The following PTBP3 variants were observed in gnomAD, a reference collection of about 807,000 sequenced individuals.
The protein encoded by PTBP3 is polypyrimidine tract binding protein 3.
PTBP3 carries 20 observed loss-of-function variants against 58.7 expected under a neutral mutation model. The ratio of observed to expected loss-of-function variants is 0.34; its 90% CI spans 0.24 to 0.50. PTBP3 has a LOEUF of 0.50. Among genes scored for constraint, PTBP3 ranks in the 20% least tolerant of loss-of-function variants. PTBP3 has a pLI of 0.98. For missense variants in PTBP3, 509 were observed against 637.2 expected (o/e 0.80, Z 2.17); for synonymous variants, 185 against 219.8 (o/e 0.84, Z 1.40).
At chr9:112,298,252 T>G (rs1176215611) in intron 1 of PTBP3, among the ~76,000 whole-genome samples, 2 of 152,256 alleles carry the variant, frequency 1.3e-5, no homozygotes, top group Non-Finnish European at 2.9e-5. Context: ...TATATTTGTA[T>G]GCAAATAGTT....
the PTBP3 span, among the ~76,000 whole-genome samples, chr9:112,368,986 C>A: frequency 6.6e-6 from 1 of 152,058 alleles, no homozygotes; most frequent in Non-Finnish European, 1.5e-5. Flanking sequence ...GGGTCCAATC[C>A]CCAAGCCTTG....
chr9:112,306,336 TG>T (rs1474810720), intron 1 of PTBP3, among the ~76,000 whole-genome samples: 2 of 151,708 alleles, frequency 1.3e-5, no homozygotes, highest in African/African-American at 4.8e-5. Flanking sequence ...AGCTAATTTT[TG>T]TATTATTTTG....
At chr9:112,328,057 C>T (rs1304184615) in intron 1 of PTBP3, among the ~76,000 whole-genome samples, 1 of 152,174 alleles carries the variant, frequency 6.6e-6, no homozygotes, top group Non-Finnish European at 1.5e-5. Context: ...TATTATACTA[C>T]AGAGTATTTT....
intron 7 of PTBP3, among the ~76,000 whole-genome samples, chr9:112,250,210 A>T (rs1306719837): frequency 6.6e-6 from 1 of 152,138 alleles, no homozygotes; most frequent in East Asian, 1.9e-4. Flanking sequence ...TGTTATTTGG[A>T]AAAGGAAAAA....
Position 112,223,182 on chromosome 9 carries a change from C to T in PTBP3, c.*669G>A. The T allele has an allele frequency of 1.1e-6, 1 of 918,962 alleles. No individual in the cohort carries two copies. The highest frequency in any genetic ancestry group is 1.3e-6 in the Non-Finnish European group (1 of 769,128). The allele number at this position is 918,962 out of a possible 1,614,324, so 56.9% of individuals were successfully genotyped here. A position where few individuals can be genotyped will look rare whatever the true frequency, so the allele number is the denominator to read the frequency against. On this transcript the variant is annotated 3_prime_UTR_variant, in exon 14 of 14. Transcript: ENST00000374257. ...AATTTCCCTGGGGACAGCTGAGACA[C>T]TGCATTTTTCCAAATAGTCTTAAAA...
intron 1 of PTBP3, among the ~76,000 whole-genome samples, chr9:112,306,074 T>A (rs1393298941): frequency 6.6e-6 from 1 of 152,242 alleles, no homozygotes; most frequent in African/African-American, 2.4e-5. Context: ...GTAAGGGCAG[T>A]CTTGCATGGA....
At chr9:112,338,170 A>G (rs1444954769), upstream of PTBP3, among the ~76,000 whole-genome samples, 3 of 152,256 alleles carry the variant, frequency 2.0e-5, no homozygotes, top group Non-Finnish European at 4.4e-5. Context: ...GGGTGGGAGC[A>G]GATGGAAGAG....
chr9:112,295,637 G>A (rs1589881435), intron 2 of PTBP3, among the ~76,000 whole-genome samples: 1 of 150,828 alleles, frequency 6.6e-6, no homozygotes, highest in South Asian at 2.1e-4. Context: ...TAGCATTGGG[G>A]TACACAATAA....
chr9:112,269,199 A>C lies in PTBP3; in HGVS notation c.205-1004T>G, dbSNP rs1827261463. ...GTGACTGAGCGAAACTCTGTCTCAA[A>C]AAAAAAAAAAAAAAAAAAATTGATG... is the stretch of plus-strand genomic sequence containing the variant. On this transcript the variant is annotated intron_variant, in intron 3 of 13. Transcript: ENST00000374257. 8.3e-5 allele frequency among the ~76,000 whole-genome samples: 3 copies of C among 36,126 alleles called. No homozygotes were observed. The South Asian group carries it at 2.3e-3, about 28-fold the overall frequency. The allele number at this position is 36,126 out of a possible 152,430, so 23.7% of individuals were successfully genotyped here.
chr9:112,332,799 A>T, intron 1 of PTBP3: 1 of 1,612,634 alleles, frequency 6.2e-7, no homozygotes. Flanking sequence ...CAGATAATTC[A>T]TTAAGTTTCT....
chr9:112,262,657 A>G (rs1836647633), intron 4 of PTBP3, 58 bp from the exon 5 acceptor site: 1 of 1,436,708 alleles, frequency 7.0e-7, no homozygotes, highest in Non-Finnish European at 9.2e-7. Flanking sequence ...TATGAATCCT[A>G]AAATTTAGTT....
chr9:112,370,252 G>C, the PTBP3 span, among the ~76,000 whole-genome samples: 1 of 152,110 alleles, frequency 6.6e-6, no homozygotes, highest in Non-Finnish European at 1.5e-5. Flanking sequence ...TTAAAATATG[G>C]AAGTGTGGGC....
chr9:112,346,313 C>T, the PTBP3 span, among the ~76,000 whole-genome samples: 93 of 151,944 alleles, frequency 6.1e-4, no homozygotes, highest in Non-Finnish European at 9.4e-4. Flanking sequence ...GACAAAGGTG[C>T]GTGCCACCAT....
intron 5 of PTBP3, among the ~76,000 whole-genome samples, chr9:112,253,324 AAAG>A (rs1261470288): frequency 6.6e-6 from 1 of 152,232 alleles, no homozygotes; most frequent in African/African-American, 2.4e-5. Flanking sequence ...AATAAAAATA[AAAG>A]AAGGGAAGGG....
chr9:112,317,951 A>T (rs1210463914), intron 1 of PTBP3, among the ~76,000 whole-genome samples: 1 of 152,100 alleles, frequency 6.6e-6, no homozygotes, highest in Non-Finnish European at 1.5e-5. Flanking sequence ...ACAACAAAAA[A>T]CAAACAAACA....
chr9:112,330,713 AT>A (rs950646658), intron 1 of PTBP3, among the ~76,000 whole-genome samples: 3 of 152,204 alleles, frequency 2.0e-5, no homozygotes, highest in African/African-American at 7.2e-5. Context: ...ATCTTTTAGT[AT>A]TTAGGAAAGT....
At chr9:112,351,951 CT>C in the PTBP3 span, among the ~76,000 whole-genome samples, 28,168 of 146,270 alleles carry the variant, frequency 0.19, 2,992 homozygotes, top group Non-Finnish European at 0.26. Flanking sequence ...ACTCTAGTTC[CT>C]TTTTTTTTTT....
intron 7 of PTBP3, among the ~76,000 whole-genome samples, chr9:112,235,782 TA>T (rs1330083374): frequency 6.6e-6 from 1 of 152,010 alleles, no homozygotes; most frequent in Non-Finnish European, 1.5e-5. Flanking sequence ...TGAAGAAGGC[TA>T]AAGATACAGC....
chr9:112,337,142 G>C (rs1830583276), upstream of PTBP3, among the ~76,000 whole-genome samples: 1 of 152,150 alleles, frequency 6.6e-6, no homozygotes. Flanking sequence ...CAATTCTCCT[G>C]CCTTAGCCTC....
Sources: allele counts gnomAD v4.1 joint callset (sites outside exome capture counted in the v4.1 genomes callset), GRCh38; gene constraint gnomAD v4.1.1; transcripts MANE v1.5; gene names NCBI Gene and HGNC (gene_info 2026-07-23, HGNC 2026-07-21).